The following ROBO2 variants were observed in gnomAD, a reference collection of about 807,000 sequenced individuals.
ROBO2 encodes the protein roundabout guidance receptor 2.
A neutral mutation model predicts 160.8 loss-of-function variants in ROBO2; 53 were observed. That is an observed-to-expected ratio of 0.33 (90% CI 0.26 to 0.41). The LOEUF (loss-of-function observed/expected upper bound fraction) is 0.41, where lower values mean the gene tolerates loss of function less well. ROBO2 is among the 10% of genes least tolerant of loss of function. ROBO2 has a pLI of 1.00. For synonymous variants in ROBO2, 664 were observed against 611.7 expected, an observed-to-expected ratio of 1.09 and a Z score of -1.26; for missense variants, 1,577 against 1,722.4, an observed-to-expected ratio of 0.92 and a Z score of 1.49.
chr3:77,306,512 G>A (rs1452755757), intron 2 of ROBO2, among the ~76,000 whole-genome samples: 2 of 152,078 alleles, frequency 1.3e-5, no homozygotes, highest in Non-Finnish European at 2.9e-5. Context: ...TAAAATCTTA[G>A]CTTCTCTTAA....
At chr3:77,306,672 A>C (rs2063122104) in intron 2 of ROBO2, among the ~76,000 whole-genome samples, 1 of 152,170 alleles carries the variant, frequency 6.6e-6, no homozygotes, top group Non-Finnish European at 1.5e-5. Flanking sequence ...ACATAGCATA[A>C]GTTTCTAAAA....
intron 2 of ROBO2, among the ~76,000 whole-genome samples, chr3:76,628,091 C>A (rs1211184146): frequency 6.6e-6 from 1 of 152,082 alleles, no homozygotes; most frequent in Non-Finnish European, 1.5e-5. Flanking sequence ...GTTTTGAGTT[C>A]TCATGCCAGA....
At position 75,982,821 on chromosome 3, in the gene ROBO2, A is replaced by G. The variant is rs1305215364; in HGVS notation, c.109+45219A>G. ...AGCTTAAGAGCATTTTAATGTACCT[A>G]TGCAAGTCCTCAGAATTTAAGATTT... On this transcript the variant is annotated intron_variant, in intron 2 of 26. Coordinates refer to the ROBO2 transcript ENST00000487694. 7.9e-5 allele frequency among the ~76,000 whole-genome samples: 12 copies of G among 151,438 alleles called. 1 individual carries two copies. In the South Asian group the frequency reaches 1.9e-3, roughly 24 times the overall value.
chr3:76,392,649 G>A (rs1393348579), intron 2 of ROBO2, among the ~76,000 whole-genome samples: 1 of 152,058 alleles, frequency 6.6e-6, no homozygotes, highest in Admixed American at 6.6e-5. Context: ...ATAAAGCAAC[G>A]GTTGCCAATT....
chr3:77,046,813 T>G (rs1341396533), intron 1 of ROBO2, among the ~76,000 whole-genome samples: 1 of 152,220 alleles, frequency 6.6e-6, no homozygotes, highest in Non-Finnish European at 1.5e-5. Flanking sequence ...ATTCAACACA[T>G]GCATATTGAC....
chr3:76,396,945 A>C (rs894700719), intron 2 of ROBO2, among the ~76,000 whole-genome samples: 2 of 152,274 alleles, frequency 1.3e-5, no homozygotes, highest in East Asian at 1.9e-4. Context: ...GCTACCAATG[A>C]CTTTCTTCAC....
intron 2 of ROBO2, among the ~76,000 whole-genome samples, chr3:76,468,932 G>T (rs573578583): frequency 1.3e-5 from 2 of 151,838 alleles, no homozygotes; most frequent in Admixed American, 6.6e-5. Flanking sequence ...CCTACTTCAC[G>T]TCTCTCTTTT....
chr3:76,961,247 G>GAAAAA (rs371889909), intron 2 of ROBO2, among the ~76,000 whole-genome samples: 37 of 54,428 alleles, frequency 6.8e-4, no homozygotes, highest in African/African-American at 1.5e-3. Context: ...GTGCCACAGA[G>GAAAAA]AAAAAAAAAA....
chr3:77,502,403 A>G (rs2087751381), intron 5 of ROBO2, among the ~76,000 whole-genome samples: 1 of 152,192 alleles, frequency 6.6e-6, no homozygotes, highest in Non-Finnish European at 1.5e-5. Context: ...AAAGAAGTTT[A>G]TGTCTTTTCC....
At chr3:77,615,889 A>G (rs1368482090) in intron 21 of ROBO2, among the ~76,000 whole-genome samples, 1 of 152,218 alleles carries the variant, frequency 6.6e-6, no homozygotes, top group African/African-American at 2.4e-5. Context: ...CCGGACATTT[A>G]TAAGTTACTC....
At chr3:76,790,959 C>G (rs542495947) in intron 2 of ROBO2, among the ~76,000 whole-genome samples, 1 of 151,740 alleles carries the variant, frequency 6.6e-6, no homozygotes, top group African/African-American at 2.4e-5. Context: ...GTAGCTTCTA[C>G]ATAATAAAGT....
intron 2 of ROBO2, among the ~76,000 whole-genome samples, chr3:76,937,488 G>A (rs934345718): frequency 2.0e-5 from 3 of 151,996 alleles, no homozygotes; most frequent in Non-Finnish European, 4.4e-5. Context: ...TTTCACTTAA[G>A]TATATTCTTT....
At chr3:76,869,525 A>T (rs937562651) in intron 2 of ROBO2, among the ~76,000 whole-genome samples, 4 of 150,776 alleles carry the variant, frequency 2.7e-5, no homozygotes, top group Admixed American at 2.0e-4. Flanking sequence ...TTTTTTTTGT[A>T]TTTTTAGTGG....
chr3:77,495,357 A>G (rs1338159862), intron 5 of ROBO2, among the ~76,000 whole-genome samples: 3 of 152,226 alleles, frequency 2.0e-5, no homozygotes, highest in African/African-American at 7.2e-5. Flanking sequence ...TATTGTTAAT[A>G]TCTTACATGA....
At chr3:77,591,510 C>T (rs2094179793) in intron 17 of ROBO2, among the ~76,000 whole-genome samples, 1 of 152,058 alleles carries the variant, frequency 6.6e-6, no homozygotes, top group South Asian at 2.1e-4. Flanking sequence ...AATCTCTTTA[C>T]CTTATATTTG....
intron 2 of ROBO2, among the ~76,000 whole-genome samples, chr3:77,401,572 TTGG>T (rs1356328870): frequency 6.6e-6 from 1 of 151,722 alleles, no homozygotes; most frequent in Non-Finnish European, 1.5e-5. Context: ...ACTTGAAAAC[TTGG>T]TGGCCTTTAG....
At chr3:76,118,909 G>A (rs1240244997) in intron 2 of ROBO2, among the ~76,000 whole-genome samples, 2 of 152,124 alleles carry the variant, frequency 1.3e-5, no homozygotes, top group African/African-American at 4.8e-5. Flanking sequence ...GTTGAAGAAT[G>A]TCAGGGCTCT....
intron 2 of ROBO2, among the ~76,000 whole-genome samples, chr3:76,118,107 A>G (rs150574521): frequency 4.6e-4 from 70 of 152,300 alleles, no homozygotes; most frequent in Middle Eastern, 3.4e-3. Flanking sequence ...ACAAACCTGC[A>G]CGTTGTGCAC....
At chr3:76,059,536 G>A (rs986884002) in intron 2 of ROBO2, among the ~76,000 whole-genome samples, 7 of 152,100 alleles carry the variant, frequency 4.6e-5, no homozygotes, top group African/African-American at 1.7e-4. Context: ...GTTTATTGTA[G>A]ATTCTGGATA....
Sources: gnomAD v4.1 joint callset for allele counts (sites outside exome capture counted in the v4.1 genomes callset) on GRCh38, gnomAD v4.1.1 for gene constraint, MANE v1.5 for transcripts, NCBI Gene and HGNC (gene_info 2026-07-23, HGNC 2026-07-21) for gene names.